Variants in SNTG1 observed in about 807,000 individuals in gnomAD.
SNTG1 encodes syntrophin gamma 1.
SNTG1 carries 39 observed loss-of-function variants against 74.7 expected under a neutral mutation model. The observed-to-expected ratio is 0.52, with a 90% confidence interval of 0.40 to 0.68. The LOEUF is 0.68. Among genes scored for constraint, SNTG1 ranks in the 30% least tolerant of loss-of-function variants. SNTG1 has a pLI of 0.00. For synonymous variants in SNTG1, 254 were observed against 217.1 expected (o/e 1.17, Z -1.49); for missense variants, 685 against 609.5 (o/e 1.12, Z -1.30).
At chr8:50,007,596 T>C (rs988087256) in intron 1 of SNTG1, among the ~76,000 whole-genome samples, 1 of 152,138 alleles carries the variant, frequency 6.6e-6, no homozygotes, top group Admixed American at 6.5e-5. Context: ...AATGTAGTTG[T>C]ATGCGTTGGT....
chr8:50,473,510 G>A (rs1054911033), intron 8 of SNTG1, among the ~76,000 whole-genome samples: 5 of 152,132 alleles, frequency 3.3e-5, no homozygotes, highest in African/African-American at 1.2e-4. Flanking sequence ...ACAGTATGAT[G>A]GTTCCTCAAA....
intron 1 of SNTG1, among the ~76,000 whole-genome samples, chr8:49,998,510 A>T (rs1042661146): frequency 4.6e-5 from 7 of 151,928 alleles, no homozygotes; most frequent in Non-Finnish European, 1.0e-4. Context: ...ATATTTTTTA[A>T]TATCTTTACT....
At chr8:49,924,311 G>T (rs745742396) in intron 1 of SNTG1, among the ~76,000 whole-genome samples, 5 of 152,182 alleles carry the variant, frequency 3.3e-5, no homozygotes, top group Non-Finnish European at 5.9e-5. Context: ...TAGAAAATCT[G>T]TGTTCAACAC....
intron 1 of SNTG1, among the ~76,000 whole-genome samples, chr8:49,959,191 G>A (rs1388812121): frequency 1.3e-5 from 2 of 152,220 alleles, no homozygotes; most frequent in African/African-American, 4.8e-5. Flanking sequence ...AGGCTCAGAG[G>A]AAAATGTACG....
At chr8:50,047,334 CAA>C (rs555972857) in intron 1 of SNTG1, among the ~76,000 whole-genome samples, 1 of 143,200 alleles carries the variant, frequency 7.0e-6, no homozygotes, top group African/African-American at 2.6e-5. Context: ...GAGATGCTGC[CAA>C]AAAAAAAAAT....
intron 2 of SNTG1, among the ~76,000 whole-genome samples, chr8:50,352,485 G>C (rs1211321063): frequency 6.6e-6 from 1 of 151,926 alleles, no homozygotes; most frequent in Non-Finnish European, 1.5e-5. Flanking sequence ...CCACCTCCCA[G>C]GTACAAGAGA....
chr8:50,412,481 G>C (rs571889009), intron 4 of SNTG1, among the ~76,000 whole-genome samples: 2 of 152,112 alleles, frequency 1.3e-5, no homozygotes, highest in African/African-American at 2.4e-5. Flanking sequence ...GTCTTATCGG[G>C]TAATTGTGAA....
chr8:50,399,699 C>CT (rs1354008190), intron 3 of SNTG1, among the ~76,000 whole-genome samples: 1 of 151,760 alleles, frequency 6.6e-6, no homozygotes, highest in Non-Finnish European at 1.5e-5. Context: ...GTGGCTTCCC[C>CT]CCTCAAAAAG....
intron 1 of SNTG1, among the ~76,000 whole-genome samples, chr8:50,128,980 C>G (rs548785637): frequency 1.4e-4 from 22 of 152,116 alleles, no homozygotes; most frequent in African/African-American, 5.1e-4. Context: ...ACTTTGAAAT[C>G]CAGCATGACT....
chr8:49,949,875 C>G (rs570744193), intron 1 of SNTG1, among the ~76,000 whole-genome samples: 1 of 152,310 alleles, frequency 6.6e-6, no homozygotes, highest in South Asian at 2.1e-4. Flanking sequence ...CGCAGTGGCC[C>G]AGGCCTACGA....
intron 2 of SNTG1, among the ~76,000 whole-genome samples, chr8:50,230,198 G>T (rs555383571): frequency 6.6e-6 from 1 of 151,224 alleles, no homozygotes; most frequent in Non-Finnish European, 1.5e-5. Flanking sequence ...TAAAGCAACA[G>T]AAGAAAAGTA....
chr8:50,185,992 C>G (rs1406202206), intron 2 of SNTG1, among the ~76,000 whole-genome samples: 1 of 152,076 alleles, frequency 6.6e-6, no homozygotes, highest in East Asian at 1.9e-4. Flanking sequence ...TAATGCTCTC[C>G]ATACCCTAGA....
At chr8:50,402,597 A>G (rs76972521) in intron 4 of SNTG1, among the ~76,000 whole-genome samples, 7,100 of 152,192 alleles carry the variant, frequency 0.047, 215 homozygotes, top group Middle Eastern at 0.095. Context: ...GATGGGAGTG[A>G]CACTGTATTT....
intron 13 of SNTG1, among the ~76,000 whole-genome samples, chr8:50,636,588 T>A (rs1479359502): frequency 6.6e-6 from 1 of 152,066 alleles, no homozygotes; most frequent in Non-Finnish European, 1.5e-5. Context: ...ATGCTCTCCT[T>A]CCCCAAAGAG....
intron 18 of SNTG1, among the ~76,000 whole-genome samples, chr8:50,768,111 G>T (rs2095618343): frequency 6.6e-6 from 1 of 151,880 alleles, no homozygotes; most frequent in African/African-American, 2.4e-5. Flanking sequence ...ATCATCGGAG[G>T]CTCCTTTTCC....
chr8:50,561,120 G>A (rs1182059933), intron 12 of SNTG1, among the ~76,000 whole-genome samples: 2 of 152,070 alleles, frequency 1.3e-5, no homozygotes, highest in Non-Finnish European at 2.9e-5. Context: ...TCATGGGAGT[G>A]GTTTCCCCCA....
At chr8:50,450,912 G>A (rs1292484742) in intron 8 of SNTG1, among the ~76,000 whole-genome samples, 183 bp downstream of exon 8, 1 of 151,918 alleles carries the variant, frequency 6.6e-6, no homozygotes, top group African/African-American at 2.4e-5. Flanking sequence ...TCCTATCAAG[G>A]ATGAAATGTG....
intron 1 of SNTG1, among the ~76,000 whole-genome samples, chr8:50,013,882 A>G (rs1816061077): frequency 6.6e-6 from 1 of 152,172 alleles, no homozygotes; most frequent in Admixed American, 6.6e-5. Context: ...CATTGGAGAA[A>G]ACATTGCAGA....
intron 17 of SNTG1, among the ~76,000 whole-genome samples, chr8:50,710,525 G>A (rs2095458632): frequency 6.6e-6 from 1 of 152,118 alleles, no homozygotes; most frequent in South Asian, 2.1e-4. Context: ...TGCCAGAATT[G>A]TCACCAAACT....
Sources: allele counts gnomAD v4.1 joint callset (sites outside exome capture counted in the v4.1 genomes callset), GRCh38; gene constraint gnomAD v4.1.1; transcripts MANE v1.5; gene names NCBI Gene and HGNC (gene_info 2026-07-23, HGNC 2026-07-21).